CAMK2D: variants seen among roughly 807,000 people sequenced by gnomAD.
The protein encoded by CAMK2D is calcium/calmodulin dependent protein kinase II delta.
Under a neutral mutation model 84.0 loss-of-function variants are expected in CAMK2D, and 37 were observed. The observed-to-expected ratio is 0.44, with a 90% CI of 0.34 to 0.58. CAMK2D has a LOEUF of 0.58. Ranked by LOEUF, CAMK2D falls within the 20% of genes least tolerant of loss-of-function variation. The probability of loss-of-function intolerance (pLI) is 0.02; values close to 1 mark genes in which losing one functional copy is unlikely to be tolerated. For missense variants in CAMK2D, 448 were observed against 652.5 expected (o/e 0.69, Z 3.41); for synonymous variants, 202 against 212.5 (o/e 0.95, Z 0.43).
intron 3 of CAMK2D, among the ~76,000 whole-genome samples, chr4:113,661,049 C>T (rs1338558875): frequency 6.6e-6 from 1 of 152,128 alleles, no homozygotes; most frequent in East Asian, 1.9e-4. Flanking sequence ...CCCGCCTCGG[C>T]CTCCCAAAGT....
intron 1 of CAMK2D, among the ~76,000 whole-genome samples, chr4:113,760,471 C>T (rs552679017): frequency 1.3e-5 from 2 of 152,166 alleles, no homozygotes; most frequent in Non-Finnish European, 2.9e-5. Context: ...GACAGAACAA[C>T]TACTGGATGC....
At chr4:113,579,445 T>C (rs1561113923) in intron 4 of CAMK2D, among the ~76,000 whole-genome samples, 2 of 152,326 alleles carry the variant, frequency 1.3e-5, no homozygotes, top group East Asian at 3.9e-4. Context: ...GTTTGGGTCA[T>C]GGGGGTGGAT....
intron 10 of CAMK2D, among the ~76,000 whole-genome samples, chr4:113,514,352 G>T (rs2006312): frequency 0.029 from 4,392 of 152,268 alleles, 212 homozygotes; most frequent in African/African-American, 0.098. Flanking sequence ...GGTGGAGGTT[G>T]CAGTGAGCCA....
chr4:113,509,945 A>T (rs1044515351), intron 12 of CAMK2D, among the ~76,000 whole-genome samples: 1 of 152,166 alleles, frequency 6.6e-6, no homozygotes, highest in Non-Finnish European at 1.5e-5. Context: ...ATTGGACTTT[A>T]TTTCACTGTT....
At chr4:113,679,410 C>T in intron 2 of CAMK2D, 1 of 954,186 alleles carries the variant, frequency 1.0e-6, no homozygotes, top group Middle Eastern at 5.4e-4. Flanking sequence ...TGCCTCTCCC[C>T]AGCCATTTTC....
chr4:113,515,616 C>T (rs1349423732), intron 9 of CAMK2D, among the ~76,000 whole-genome samples: 4 of 152,000 alleles, frequency 2.6e-5, no homozygotes, highest in African/African-American at 9.7e-5. Context: ...GATATTATGC[C>T]AAGGTTCAAA....
chr4:113,620,142 A>G (rs1315696240), intron 3 of CAMK2D, among the ~76,000 whole-genome samples: 1 of 152,164 alleles, frequency 6.6e-6, no homozygotes, highest in African/African-American at 2.4e-5. Flanking sequence ...GGGATATTGA[A>G]GGAGGAGGTG....
intron 2 of CAMK2D, among the ~76,000 whole-genome samples, chr4:113,703,857 A>G (rs1192006442): frequency 2.0e-5 from 3 of 150,090 alleles, no homozygotes; most frequent in Non-Finnish European, 4.4e-5. Context: ...CACAAAATGG[A>G]GGGTGTATTT....
intron 16 of CAMK2D, 95 bp from the exon 17 acceptor site, chr4:113,465,699 C>T: frequency 1.3e-6 from 1 of 764,144 alleles, no homozygotes; most frequent in East Asian, 2.7e-5. Flanking sequence ...GGGTCTCACT[C>T]TGTCACCCAT....
chr4:113,624,096 A>G (rs2099057871), intron 3 of CAMK2D, among the ~76,000 whole-genome samples: 2 of 152,142 alleles, frequency 1.3e-5, no homozygotes, highest in Admixed American at 1.3e-4. Flanking sequence ...TCATGGCTCA[A>G]TGGAGACTTT....
intron 2 of CAMK2D, among the ~76,000 whole-genome samples, chr4:113,717,492 CT>C (rs2099517187): frequency 6.6e-6 from 1 of 151,950 alleles, no homozygotes; most frequent in Non-Finnish European, 1.5e-5. Flanking sequence ...CTGCCTGAAG[CT>C]TGAGTTATAA....
chr4:113,500,160 T>A (rs1321267067), intron 16 of CAMK2D, among the ~76,000 whole-genome samples: 1 of 152,180 alleles, frequency 6.6e-6, no homozygotes, highest in Non-Finnish European at 1.5e-5. Flanking sequence ...CTGACAAATT[T>A]ACAATTTGTT....
At chr4:113,610,528 T>G (rs2098995651) in intron 3 of CAMK2D, among the ~76,000 whole-genome samples, 1 of 152,188 alleles carries the variant, frequency 6.6e-6, no homozygotes. Context: ...ATAATCTCTG[T>G]GCTTTATCAT....
At chr4:113,511,610 G>A (rs2098215893) in intron 12 of CAMK2D, among the ~76,000 whole-genome samples, 1 of 152,134 alleles carries the variant, frequency 6.6e-6, no homozygotes, top group East Asian at 1.9e-4. Context: ...GGGCCACAGT[G>A]AAATTTATTT....
At position 113,610,758 on chromosome 4, in the gene CAMK2D, CGCT is replaced by C. The variant is rs540325561; in HGVS notation, c.221-1555_221-1553del. ...TGAAATGTAAGCACACTGCAGTCCC[CGCT>C]GCCCTGCCACGCTTATCTTACTTGT... is the stretch of plus-strand genomic sequence containing the variant. On this transcript the variant is annotated intron_variant, in intron 3 of 20. Coordinates refer to ENST00000511664, the MANE Select transcript of CAMK2D (RefSeq NM_001321571.2). Among the ~76,000 whole-genome samples the C allele has an allele frequency of 3.3e-3, 507 of 152,266 alleles. 1 individual carries two copies. The highest frequency in any genetic ancestry group is 0.012 in the African/African-American group (491 of 41,540).
chr4:113,715,088 T>C (rs1335959909), intron 2 of CAMK2D, among the ~76,000 whole-genome samples: 13 of 152,112 alleles, frequency 8.5e-5, no homozygotes. Context: ...AGATTTCTTC[T>C]CAATTACTTT....
chr4:113,753,918 C>A, intron 2 of CAMK2D: 1 of 983,966 alleles, frequency 1.0e-6, no homozygotes, highest in East Asian at 1.1e-4. Context: ...CCTTTAAGAG[C>A]CCATAGTACT....
chr4:113,586,255 A>G (rs960109738), intron 4 of CAMK2D, among the ~76,000 whole-genome samples: 2 of 152,118 alleles, frequency 1.3e-5, no homozygotes, highest in African/African-American at 4.8e-5. Context: ...TTGCAATAAC[A>G]CTTGTTGCTG....
At chr4:113,514,039 T>C in intron 10 of CAMK2D, 126 bp from the exon 11 acceptor site, 1 of 499,118 alleles carries the variant, frequency 2.0e-6, no homozygotes. Context: ...TTCTAAGTAT[T>C]CAATTGCCAA....
Sources: gnomAD v4.1 joint callset for allele counts (sites outside exome capture counted in the v4.1 genomes callset) on GRCh38, gnomAD v4.1.1 for gene constraint, MANE v1.5 for transcripts, NCBI Gene and HGNC (gene_info 2026-07-23, HGNC 2026-07-21) for gene names.